Variants in EXOC6B observed in about 807,000 individuals in gnomAD.
EXOC6B encodes the protein exocyst complex component 6B, also known as SEC15 homolog B.
A neutral mutation model predicts 113.5 loss-of-function variants in EXOC6B; 54 were observed. The ratio of observed to expected loss-of-function variants is 0.48; its 90% CI spans 0.38 to 0.60. The LOEUF (loss-of-function observed/expected upper bound fraction) is 0.60. Ranked by LOEUF, EXOC6B falls within the 20% of genes least tolerant of loss-of-function variation. The pLI, the probability that EXOC6B is intolerant of heterozygous loss-of-function variation, is 0.00. For missense variants in EXOC6B, 797 were observed against 977.5 expected (o/e 0.82, Z 2.46); for synonymous variants, 357 against 339.0 (o/e 1.05, Z -0.58).
chr2:72,231,001 TAAAGAA>T (rs900920097), intron 20 of EXOC6B, among the ~76,000 whole-genome samples: 8 of 152,150 alleles, frequency 5.3e-5, no homozygotes, highest in Non-Finnish European at 2.9e-5. Flanking sequence ...CAGCTAGAGA[TAAAGAA>T]TAAAGCAGTT....
At chr2:72,397,869 G>A (rs1235785599) in intron 18 of EXOC6B, among the ~76,000 whole-genome samples, 1 of 151,956 alleles carries the variant, frequency 6.6e-6, no homozygotes, top group Non-Finnish European at 1.5e-5. Context: ...CAACTTGTTT[G>A]TTCAAAGTAT....
intron 5 of EXOC6B, among the ~76,000 whole-genome samples, chr2:72,730,252 A>C (rs925557448): frequency 2.6e-5 from 4 of 152,196 alleles, no homozygotes; most frequent in African/African-American, 9.7e-5. Flanking sequence ...GTCAAACATT[A>C]TTCTAGATGT....
chr2:72,644,671 T>C (rs938986462), intron 6 of EXOC6B, among the ~76,000 whole-genome samples: 4 of 152,204 alleles, frequency 2.6e-5, no homozygotes, highest in African/African-American at 9.6e-5. Flanking sequence ...ACCCAGAATT[T>C]CATATTCAGC....
chr2:72,449,909 A>G (rs911928501), intron 18 of EXOC6B, among the ~76,000 whole-genome samples: 2 of 152,136 alleles, frequency 1.3e-5, no homozygotes, highest in Non-Finnish European at 2.9e-5. Context: ...CTCTGTCACA[A>G]TGTTGTCCAT....
At chr2:72,672,492 A>T (rs1675963510) in intron 6 of EXOC6B, among the ~76,000 whole-genome samples, 1 of 145,418 alleles carries the variant, frequency 6.9e-6, no homozygotes, top group African/African-American at 2.5e-5. Context: ...GCTTGCAGTG[A>T]GTCGAGATCG....
At chr2:72,217,050 A>G (rs957665885) in intron 20 of EXOC6B, among the ~76,000 whole-genome samples, 3 of 151,490 alleles carry the variant, frequency 2.0e-5, no homozygotes, top group African/African-American at 7.3e-5. Context: ...AAAAAAAAAA[A>G]GTATAGTAAC....
intron 6 of EXOC6B, among the ~76,000 whole-genome samples, chr2:72,661,847 G>A (rs1573576903): frequency 6.6e-6 from 1 of 151,888 alleles, no homozygotes; most frequent in East Asian, 1.9e-4. Flanking sequence ...ACTGGGAAAG[G>A]GATAGATACC....
At chr2:72,538,679 C>T (rs1281650891) in intron 8 of EXOC6B, among the ~76,000 whole-genome samples, 1 of 152,068 alleles carries the variant, frequency 6.6e-6, no homozygotes, top group Non-Finnish European at 1.5e-5. Context: ...TGTCCAAAGC[C>T]ATAACAATAA....
At chr2:72,690,447 C>T (rs1280417000) in intron 6 of EXOC6B, among the ~76,000 whole-genome samples, 1 of 152,122 alleles carries the variant, frequency 6.6e-6, no homozygotes, top group African/African-American at 2.4e-5. Flanking sequence ...TGTCAATTCA[C>T]TATTCCTGAA....
intron 6 of EXOC6B, among the ~76,000 whole-genome samples, chr2:72,653,890 GGTT>G (rs1170536405): frequency 6.6e-6 from 1 of 151,852 alleles, no homozygotes; most frequent in Non-Finnish European, 1.5e-5. Context: ...ACAACAAAAT[GGTT>G]GTAGGTCTGG....
intron 18 of EXOC6B, among the ~76,000 whole-genome samples, chr2:72,449,481 A>ATTT (rs61544524): frequency 2.2e-5 from 3 of 139,074 alleles, no homozygotes; most frequent in South Asian, 4.7e-4. Flanking sequence ...AGCATTGTCA[A>ATTT]TTTTTTTTTT....
chr2:72,409,893 A>T (rs535287505), intron 18 of EXOC6B, among the ~76,000 whole-genome samples: 2 of 152,096 alleles, frequency 1.3e-5, no homozygotes, highest in Admixed American at 6.5e-5. Context: ...GTATACCAAT[A>T]AAAAAAACTT....
At chr2:72,365,623 AAGG>A (rs1372594004) in intron 19 of EXOC6B, among the ~76,000 whole-genome samples, 3 of 152,306 alleles carry the variant, frequency 2.0e-5, no homozygotes, top group South Asian at 2.1e-4. Context: ...GAGTATCAGA[AAGG>A]AGGATGCTAC....
intron 20 of EXOC6B, among the ~76,000 whole-genome samples, chr2:72,294,596 C>T (rs1686011435): frequency 1.3e-5 from 2 of 152,140 alleles, no homozygotes; most frequent in African/African-American, 4.8e-5. Flanking sequence ...TTAGTAGGGA[C>T]ACAATCTATT....
At chr2:72,401,914 C>A (rs1230661979) in intron 18 of EXOC6B, among the ~76,000 whole-genome samples, 1 of 150,372 alleles carries the variant, frequency 6.7e-6, no homozygotes. Context: ...GACTTTTCAA[C>A]AGAAATGACA....
intron 18 of EXOC6B, among the ~76,000 whole-genome samples, chr2:72,434,575 A>G (rs1321707682): frequency 1.3e-5 from 2 of 152,088 alleles, no homozygotes; most frequent in Non-Finnish European, 2.9e-5. Flanking sequence ...TACTGCTTCA[A>G]TTTCAGAATT....
intron 6 of EXOC6B, among the ~76,000 whole-genome samples, chr2:72,626,202 G>T (rs1036057405): frequency 6.6e-6 from 1 of 152,046 alleles, no homozygotes; most frequent in African/African-American, 2.4e-5. Context: ...TCTTGTAGAT[G>T]AACTCACATT....
chr2:72,788,790 A>T (rs1371114778), intron 1 of EXOC6B, among the ~76,000 whole-genome samples: 1 of 152,218 alleles, frequency 6.6e-6, no homozygotes, highest in East Asian at 1.9e-4. Context: ...CAGAGCCTCA[A>T]AAAAGGGGGG....
Position 72,251,911 on chromosome 2 carries a change from T to C in EXOC6B, c.2197-67724A>G, listed in dbSNP as rs183897879. ...CACAATTTTATTACCAACAAATCTA[T>C]CAGCACTCTTGCAACTGAACCCATA... On this transcript the variant is annotated intron_variant, in intron 20 of 21. Transcript: ENST00000272427. Among the ~76,000 whole-genome samples, 194 of 152,280 alleles carry C rather than the reference T, an allele frequency of 1.3e-3. 1 individual carries two copies. The highest frequency in any genetic ancestry group is 6.6e-3 in the Admixed American group (101 of 15,286).
Sources: gnomAD v4.1 joint callset for allele counts (sites outside exome capture counted in the v4.1 genomes callset) on GRCh38, gnomAD v4.1.1 for gene constraint, MANE v1.5 for transcripts, NCBI Gene and HGNC (gene_info 2026-07-23, HGNC 2026-07-21) for gene names.